Variants in SLAIN2 observed in about 807,000 individuals in gnomAD.
SLAIN2 encodes SLAIN motif-containing protein 2.
A neutral mutation model predicts 56.6 loss-of-function variants in SLAIN2; 31 were observed. That is an observed-to-expected ratio of 0.55 (90% CI 0.41 to 0.74). The LOEUF (loss-of-function observed/expected upper bound fraction) is 0.74. SLAIN2 is among the 30% of genes least tolerant of loss of function. The pLI is 0.00. For missense variants in SLAIN2, 777 were observed against 754.2 expected, an observed-to-expected ratio of 1.03 and a Z score of -0.35; for synonymous variants, 317 against 284.9, an observed-to-expected ratio of 1.11 and a Z score of -1.13.
chr4:48,354,993 G>A (rs1715119176), intron 1 of SLAIN2, among the ~76,000 whole-genome samples: 1 of 151,876 alleles, frequency 6.6e-6, no homozygotes, highest in African/African-American at 2.4e-5. Flanking sequence ...TCCGCCTCCC[G>A]ATTTCAAGCG....
At chr4:48,387,883 G>A (rs982265206) in intron 6 of SLAIN2, among the ~76,000 whole-genome samples, 1 of 151,834 alleles carries the variant, frequency 6.6e-6, no homozygotes, top group African/African-American at 2.4e-5. Flanking sequence ...ATTATAATAA[G>A]CTTTATATAC....
chr4:48,392,744 C>T (rs1314899435), intron 6 of SLAIN2, among the ~76,000 whole-genome samples: 2 of 151,874 alleles, frequency 1.3e-5, no homozygotes, highest in Non-Finnish European at 2.9e-5. Context: ...CAACTTAAAT[C>T]GCCTACTTCC....
chr4:48,409,043 T>C lies in SLAIN2; in HGVS notation c.1361-11082T>C, dbSNP rs76141751. Among the ~76,000 whole-genome samples, 1,471 of 152,304 alleles carry C rather than the reference T, an allele frequency of 9.7e-3. 20 individuals are homozygous for C. Among genetic ancestry groups the C allele is most frequent in the African/African-American group, 0.034 (1,398 of 41,552 alleles). On this transcript the variant is annotated intron_variant, in intron 6 of 7. Transcript: ENST00000264313. ...TTGTAGCCTAGGAGCCATAGACTATTTTTAAAAATTTTTTGTGTGTACATA... is the reference window on the plus strand; with the variant it reads ...TTGTAGCCTAGGAGCCATAGACTATCTTTAAAAATTTTTTGTGTGTACATA...
intron 6 of SLAIN2, among the ~76,000 whole-genome samples, chr4:48,395,014 A>G (rs182271658): frequency 1.3e-5 from 2 of 152,312 alleles, no homozygotes; most frequent in East Asian, 1.9e-4. Flanking sequence ...TCAGACTTCA[A>G]TTTTTACTTT....
At chr4:48,369,655 A>G (rs150805121) in intron 1 of SLAIN2, among the ~76,000 whole-genome samples, 194 bp from the exon 2 acceptor site, 21 of 152,264 alleles carry the variant, frequency 1.4e-4, no homozygotes, top group African/African-American at 5.1e-4. Context: ...TTCACTTAGT[A>G]CTTGGAATTT....
Position 48,420,623 on chromosome 4 carries a change from A to G in SLAIN2, c.1679+180A>G, listed in dbSNP as rs1717122701. Reference sequence around the variant, plus strand: ...TGTTTTTAAGAAATCCTCATTTGGGACTTTTACCAGTTTGGTTCAGATTAA... The same window carrying G: ...TGTTTTTAAGAAATCCTCATTTGGGGCTTTTACCAGTTTGGTTCAGATTAA... On this transcript the variant is annotated intron_variant, in intron 7 of 7. Coordinates refer to ENST00000264313, the MANE Select transcript of SLAIN2 (RefSeq NM_020846.2). 1.5e-5 allele frequency: 12 copies of G among 777,110 alleles called. No homozygotes were observed. The South Asian group carries it at 2.4e-4, about 15-fold the overall frequency. The allele number at this position is 777,110 out of a possible 1,614,324, so 48.1% of individuals were successfully genotyped here.
At chr4:48,347,366 C>T (rs1714897496) in intron 1 of SLAIN2, among the ~76,000 whole-genome samples, 1 of 150,548 alleles carries the variant, frequency 6.6e-6, no homozygotes, top group Non-Finnish European at 1.5e-5. Flanking sequence ...TTACCTCAGC[C>T]TCTTGAGTAG....
Position 48,368,051 on chromosome 4 carries a change from C to CTTTTTT in SLAIN2, c.390-1790_390-1785dup, listed in dbSNP as rs36096623. ...TTCACTGAACGTAGTGTTTTTGAGG[C>CTTTTTT]TTTTTTTTTTTTTGACAGTGTTGCT... On this transcript the variant is annotated intron_variant, in intron 1 of 7. Transcript: ENST00000264313. 2.5e-3 allele frequency among the ~76,000 whole-genome samples: 220 copies of CTTTTTT among 88,808 alleles called. 27 individuals are homozygous for CTTTTTT. The highest frequency in any genetic ancestry group is 9.6e-3 in the African/African-American group (179 of 18,728). 58.3% of individuals were successfully genotyped at this position (88,808 alleles called of 152,430 possible).
intron 6 of SLAIN2, among the ~76,000 whole-genome samples, chr4:48,419,063 A>G (rs1717076184): frequency 6.6e-6 from 1 of 150,644 alleles, no homozygotes; most frequent in African/African-American, 2.4e-5. Context: ...GCTGTTACAA[A>G]GTTGTAGTCA....
intron 1 of SLAIN2, among the ~76,000 whole-genome samples, chr4:48,342,636 G>A (rs1372450254): frequency 2.0e-5 from 3 of 148,428 alleles, no homozygotes; most frequent in Admixed American, 2.0e-4. Context: ...TGGGGAGACC[G>A]TATGAATCAG....
At chr4:48,381,652 T>C (rs534356375) in intron 4 of SLAIN2, among the ~76,000 whole-genome samples, 2 of 152,334 alleles carry the variant, frequency 1.3e-5, no homozygotes, top group Admixed American at 6.5e-5. Context: ...GTTTTAAAGA[T>C]ACCCTAGGGT....
At chr4:48,363,705 G>C (rs1325675964) in intron 1 of SLAIN2, among the ~76,000 whole-genome samples, 1 of 115,456 alleles carries the variant, frequency 8.7e-6, no homozygotes, top group Non-Finnish European at 1.9e-5. Context: ...GGGCAGAGGC[G>C]CCCCTCACCT....
chr4:48,414,053 C>T (rs1402022703), intron 6 of SLAIN2, among the ~76,000 whole-genome samples: 1 of 152,090 alleles, frequency 6.6e-6, no homozygotes, highest in Non-Finnish European at 1.5e-5. Context: ...CTCTATTACC[C>T]ATCATCCTAA....
chr4:48,410,833 A>G (rs1490587866), intron 6 of SLAIN2, among the ~76,000 whole-genome samples: 1 of 152,220 alleles, frequency 6.6e-6, no homozygotes, highest in Non-Finnish European at 1.5e-5. Context: ...GACCCTGAGA[A>G]ATACCCTCAC....
intron 2 of SLAIN2, among the ~76,000 whole-genome samples, chr4:48,371,990 G>A (rs1400259384): frequency 1.2e-4 from 16 of 137,816 alleles, no homozygotes; most frequent in Non-Finnish European, 2.3e-4. Context: ...ACACACACAC[G>A]CGCGCACACA....
At chr4:48,400,294 G>A (rs946330514) in intron 6 of SLAIN2, among the ~76,000 whole-genome samples, 2 of 151,978 alleles carry the variant, frequency 1.3e-5, no homozygotes. Context: ...TGTACATAGA[G>A]GTGTTTATAG....
chr4:48,379,673 C>CT lies in SLAIN2; in HGVS notation c.704-4dup, dbSNP rs752176975. The CT allele has an allele frequency of 0.063, 61,679 of 979,430 alleles. 5 individuals carry two copies. The highest frequency in any genetic ancestry group is 0.067 in the Non-Finnish European group (48,545 of 729,312). The allele number at this position is 979,430 out of a possible 1,614,324, so 60.7% of individuals were successfully genotyped here. ...GCTTTACCAGAGTTTGAATTTTTTTCTTTTTTTTTTTTTAAGGTAACTTGA... is the reference window on the plus strand; with the variant it reads ...GCTTTACCAGAGTTTGAATTTTTTTCTTTTTTTTTTTTTTAAGGTAACTTGA... On this transcript the variant is annotated splice_polypyrimidine_tract_variant and intron_variant, in intron 3 of 7. Transcript: ENST00000264313.
chr4:48,383,403 C>T (rs1352737586), intron 5 of SLAIN2, among the ~76,000 whole-genome samples: 2 of 151,664 alleles, frequency 1.3e-5, no homozygotes, highest in African/African-American at 2.4e-5. Flanking sequence ...ATGAAGTTAC[C>T]TGTATTTAGA....
chr4:48,341,767 G>T lies in SLAIN2; in HGVS notation c.28G>T (p.Ala10Ser). MEDVNSNVNADQEVRKLQEL... is the reference protein window; with the variant it reads MEDVNSNVNSDQEVRKLQEL... The stretch of plus-strand genomic sequence containing the variant: ...GGAGGACGTTAACTCCAACGTGAAC[G>T]CGGACCAGGAGGTGCGGAAGCTGCA... The change falls in exon 1 of 8, where the codon GCG (alanine) becomes TCG (serine). Residue 10 changes from alanine (A) to serine (S), a missense_variant. Transcript: ENST00000264313. 6.5e-7 allele frequency: 1 copy of T among 1,530,912 alleles called. No individual in the cohort carries two copies. The highest frequency in any genetic ancestry group is 8.8e-7 in the Non-Finnish European group (1 of 1,138,892). 94.8% of individuals were successfully genotyped at this position (1,530,912 alleles called of 1,614,324 possible).
Sources: allele counts gnomAD v4.1 joint callset (sites outside exome capture counted in the v4.1 genomes callset), GRCh38; gene constraint gnomAD v4.1.1; transcripts MANE v1.5; gene names NCBI Gene and HGNC (gene_info 2026-07-23, HGNC 2026-07-21).